Variants in SLC6A15 observed in about 807,000 individuals in gnomAD.
SLC6A15 encodes the protein solute carrier family 6 member 15.
A neutral mutation model predicts 68.5 loss-of-function variants in SLC6A15; 33 were observed. The ratio of observed to expected loss-of-function variants is 0.48; its 90% confidence interval spans 0.37 to 0.64. The LOEUF (loss-of-function observed/expected upper bound fraction) is 0.64. Among genes scored for constraint, SLC6A15 ranks in the 30% least tolerant of loss-of-function variants. The pLI is 0.00. For missense variants in SLC6A15, 747 were observed against 874.3 expected (o/e 0.85, Z 1.84); for synonymous variants, 347 against 301.0 (o/e 1.15, Z -1.58).
In SLC6A15 at chr12:84,867,038, C is replaced by T; in HGVS notation, c.1651G>A (p.Asp551Asn). The change falls in exon 10 of 12, where the codon GAT becomes AAT. Residue 551 changes from aspartate (D) to asparagine (N), a missense_variant. Physicochemically the swap from Asp to Asn is conservative, Grantham distance 23. Transcript: ENST00000266682. ...NIAVCFVYGI[D>N]KFMEDLKDML... ...CATAAAAGCAAATATACTTACTTATCTATGCCATAAACAAAGCATACAGCA... is the reference window on the plus strand; with the variant it reads ...CATAAAAGCAAATATACTTACTTATTTATGCCATAAACAAAGCATACAGCA... The T allele has an allele frequency of 6.3e-7, 1 of 1,588,990 alleles. No homozygotes were observed. The highest frequency in any genetic ancestry group is 8.5e-7 in the Non-Finnish European group (1 of 1,169,680).
At chr12:84,904,299 C>T (rs1873034827) in intron 1 of SLC6A15, among the ~76,000 whole-genome samples, 2 of 150,146 alleles carry the variant, frequency 1.3e-5, no homozygotes, top group Admixed American at 1.3e-4. Context: ...GGCATAAGAA[C>T]AAAGGTATTG....
intron 1 of SLC6A15, among the ~76,000 whole-genome samples, chr12:84,905,510 C>T (rs75139174): frequency 0.06 from 9,199 of 152,232 alleles, 382 homozygotes; most frequent in Middle Eastern, 0.12. Context: ...AAAACGTCCA[C>T]TCTCACACTC....
rs1872444226 is a variant in SLC6A15, at chr12:84,892,286, TA to T, written c.-167del. 1.7e-6 allele frequency: 1 copy of T among 597,532 alleles called. No homozygotes were observed. The highest frequency in any genetic ancestry group is 2.8e-6 in the Non-Finnish European group (1 of 355,414). The allele number at this position is 597,532 out of a possible 1,614,324, so 37.0% of individuals were successfully genotyped here. A position where few individuals can be genotyped will look rare whatever the true frequency, so the allele number is the denominator to read the frequency against. On this transcript the variant is annotated 5_prime_UTR_variant, in exon 2 of 12. Transcript: ENST00000266682. Reference sequence around the variant, plus strand: ...TAAAGCCTTATGGATTCTGAATCCGTATGTCCAGTATTCTGTAGGTACCTGT... The same window carrying T: ...TAAAGCCTTATGGATTCTGAATCCGTTGTCCAGTATTCTGTAGGTACCTGT...
At chr12:84,881,614 C>T in intron 5 of SLC6A15, 2 of 985,318 alleles carry the variant, frequency 2.0e-6, no homozygotes, top group Non-Finnish European at 2.4e-6. Context: ...TATGTATATG[C>T]ATGTATGACT....
chr12:84,910,927 C>CTCTCTCTCTCTCTCTCTCTCTCTCTCTCT lies in SLC6A15; in HGVS notation c.-189+1595_-189+1596insAGAGAGAGAGAGAGAGAGAGAGAGAGAGA, dbSNP rs1565736492. Among the ~76,000 whole-genome samples the CTCTCTCTCTCTCTCTCTCTCTCTCTCTCT allele has an allele frequency of 1.2e-4, 16 of 129,040 alleles. 1 individual carries two copies. The highest frequency in any genetic ancestry group is 6.3e-4 in the African/African-American group (16 of 25,488). The allele number at this position is 129,040 out of a possible 152,430, so 84.7% of individuals were successfully genotyped here. On this transcript the variant is annotated intron_variant, in intron 1 of 11. Transcript: ENST00000266682. ...AATTTGCTGTTGAGCCGCCCTCTTT[C>CTCTCTCTCTCTCTCTCTCTCTCTCTCTCT]CGTGTGTGTGTGTGTGTGTGTGTGT... is the stretch of plus-strand genomic sequence containing the variant.
In SLC6A15 at chr12:84,867,146, G is replaced by A. The variant is rs370155777; in HGVS notation, c.1543C>T (p.Arg515Cys). 10 of 1,611,414 alleles carry A rather than the reference G, an allele frequency of 6.2e-6. No individual in the cohort carries two copies. Among genetic ancestry groups the A allele is most frequent in the East Asian group, 2.2e-5 (1 of 44,644 alleles). ...AFCIGLIFVQ[R>C]SGNYFVTMFD... The stretch of plus-strand genomic sequence containing the variant: ...ATTGTAACAAAGTAATTTCCAGAGC[G>A]TTGCACAAATATCAGGCCAATACAA... Residue 515 changes from arginine (R) to cysteine (C), a missense_variant, in exon 10 of 12, where the codon CGC becomes TGC. Physicochemically the swap from Arg to Cys is radical, Grantham distance 180. Coordinates refer to ENST00000266682, the MANE Select transcript of SLC6A15 (RefSeq NM_182767.6).
chr12:84,910,666 T>C (rs1197066099), intron 1 of SLC6A15, among the ~76,000 whole-genome samples: 1 of 152,098 alleles, frequency 6.6e-6, no homozygotes, highest in African/African-American at 2.4e-5. Flanking sequence ...CTATCATATC[T>C]TGCTGGACAA....
chr12:84,910,125 A>G (rs922346043), intron 1 of SLC6A15, among the ~76,000 whole-genome samples: 31 of 152,192 alleles, frequency 2.0e-4, no homozygotes, highest in Non-Finnish European at 3.2e-4. Context: ...TCCTAGAAAC[A>G]TATAAAAATA....
In SLC6A15 at chr12:84,861,612, C is replaced by T. The variant is rs769507960; in HGVS notation, c.*20G>A. On this transcript the variant is annotated 3_prime_UTR_variant, in exon 12 of 12. Coordinates refer to ENST00000266682, the MANE Select transcript of SLC6A15 (RefSeq NM_182767.6). The stretch of plus-strand genomic sequence containing the variant: ...ATTGGTAAAAATGAACCAAATAAAA[C>T]CCACTGACTTTTCCCCCAGCTACAA... 3 of 1,570,626 alleles carry T rather than the reference C, an allele frequency of 1.9e-6. No individual in the cohort carries two copies. Among genetic ancestry groups the T allele is most frequent in the Non-Finnish European group, 2.6e-6 (3 of 1,155,752 alleles).
At chr12:84,900,545 G>A (rs1367678667) in intron 1 of SLC6A15, among the ~76,000 whole-genome samples, 1 of 151,194 alleles carries the variant, frequency 6.6e-6, no homozygotes, top group African/African-American at 2.4e-5. Context: ...GTTATTTGTA[G>A]TCAATATTCC....
chr12:84,881,384 G>C, intron 5 of SLC6A15: 1 of 901,276 alleles, frequency 1.1e-6, no homozygotes, highest in Non-Finnish European at 1.3e-6. Context: ...TGCTCTCTAT[G>C]GCCACACAAA....
At chr12:84,875,689 TATATATATATG>T (rs1371016354) in intron 6 of SLC6A15, among the ~76,000 whole-genome samples, 918 of 2,344 alleles carry the variant, frequency 0.39, 102 homozygotes, top group East Asian at 0.7. Flanking sequence ...TATATATATA[TATATATATATG>T]AGAATCAAAA....
intron 4 of SLC6A15, among the ~76,000 whole-genome samples, chr12:84,884,853 G>C (rs1872008825): frequency 6.6e-6 from 1 of 151,642 alleles, no homozygotes; most frequent in Non-Finnish European, 1.5e-5. Flanking sequence ...TATTGAAATA[G>C]TATTTTTATA....
chr12:84,863,196 A>T (rs1052906470), intron 11 of SLC6A15, among the ~76,000 whole-genome samples: 7 of 152,160 alleles, frequency 4.6e-5, no homozygotes, highest in African/African-American at 1.7e-4. Flanking sequence ...CAGTGTTAAG[A>T]TGGATATATC....
chr12:84,860,972 T>C lies in SLC6A15; in HGVS notation c.*660A>G, dbSNP rs139882325. ...CACTCTTAGTTCATTTTCACACATA[T>C]ATTTTACACAAAATATACAGCCATC... On this transcript the variant is annotated 3_prime_UTR_variant, in exon 12 of 12. Coordinates refer to ENST00000266682, the MANE Select transcript of SLC6A15 (RefSeq NM_182767.6). The C allele has an allele frequency of 2.0e-5, 3 of 152,298 alleles. No individual in the cohort carries two copies. The East Asian group carries it at 5.8e-4, about 29-fold the overall frequency. The allele number at this position is 152,298 out of a possible 1,614,324, so 9.4% of individuals were successfully genotyped here.
Position 84,883,846 on chromosome 12 carries a change from C to G in SLC6A15, c.756+13G>C. On this transcript the variant is annotated intron_variant, in intron 5 of 11. Transcript: ENST00000266682. The stretch of plus-strand genomic sequence containing the variant: ...GTGATTAGCAGAATGAGGAAGGGCT[C>G]TAACATACTAACTTTTCCAGAAGAC... 6 of 1,614,044 alleles carry G rather than the reference C, an allele frequency of 3.7e-6. No individual in the cohort carries two copies. Among genetic ancestry groups the G allele is most frequent in the Non-Finnish European group, 5.1e-6 (6 of 1,180,012 alleles).
At chr12:84,906,185 A>G (rs569768539) in intron 1 of SLC6A15, among the ~76,000 whole-genome samples, 2 of 152,218 alleles carry the variant, frequency 1.3e-5, no homozygotes, top group Non-Finnish European at 2.9e-5. Flanking sequence ...TAAAAATGCA[A>G]TAGCATTTAC....
intron 5 of SLC6A15, 123 bp from the exon 6 acceptor site, chr12:84,876,730 T>C (rs1871565162): frequency 1.9e-6 from 1 of 514,174 alleles, no homozygotes; most frequent in African/African-American, 2.0e-5. Flanking sequence ...ATAAAACTAT[T>C]AATAACTTCT....
At chr12:84,895,252 G>A (rs1377929935) in intron 1 of SLC6A15, among the ~76,000 whole-genome samples, 1 of 148,724 alleles carries the variant, frequency 6.7e-6, no homozygotes, top group East Asian at 2.0e-4. Flanking sequence ...AAACTTGTCT[G>A]TTGAATGAAT....
Sources: allele counts gnomAD v4.1 joint callset (sites outside exome capture counted in the v4.1 genomes callset), GRCh38; gene constraint gnomAD v4.1.1; transcripts MANE v1.5; gene names NCBI Gene and HGNC (gene_info 2026-07-23, HGNC 2026-07-21).